The following ELMOD2 variants were observed in gnomAD, a reference collection of about 807,000 sequenced individuals.
ELMOD2 encodes the protein ELMO domain-containing protein 2.
A neutral mutation model predicts 41.0 loss-of-function variants in ELMOD2; 28 were observed. That is an observed-to-expected ratio of 0.68 (90% CI 0.51 to 0.94). ELMOD2 has a LOEUF of 0.94. Among genes scored for constraint, ELMOD2 ranks in the 40% least tolerant of loss-of-function variants. The pLI is 0.00. For synonymous variants in ELMOD2, 106 were observed against 107.2 expected, an observed-to-expected ratio of 0.99 and a Z score of 0.07; for missense variants, 333 against 343.1, an observed-to-expected ratio of 0.97 and a Z score of 0.23.
intron 8 of ELMOD2, among the ~76,000 whole-genome samples, 155 bp downstream of exon 8, chr4:140,543,741 T>C (rs546897805): frequency 1.6e-4 from 25 of 152,194 alleles, no homozygotes; most frequent in African/African-American, 5.8e-4. Flanking sequence ...AAGAAAACAG[T>C]GGAAGATGGG....
intron 6 of ELMOD2, among the ~76,000 whole-genome samples, chr4:140,540,982 T>C (rs1285240073): frequency 6.6e-6 from 1 of 152,238 alleles, no homozygotes; most frequent in Non-Finnish European, 1.5e-5. Context: ...CTTCACCACC[T>C]GTGACAACTT....
chr4:140,537,410 A>G lies in ELMOD2; in HGVS notation c.270-2A>G. 1 of 1,501,008 alleles carries G rather than the reference A, an allele frequency of 6.7e-7. No individual in the cohort carries two copies. The highest frequency in any genetic ancestry group is 1.4e-5 in the South Asian group (1 of 71,718). 93.0% of individuals were successfully genotyped at this position (1,501,008 alleles called of 1,614,324 possible). ...TTTTAAAAATAATTTTATCATTTTTAGTTTTAAAATATGCATGAAGATGTG... is the reference window on the plus strand; with the variant it reads ...TTTTAAAAATAATTTTATCATTTTTGGTTTTAAAATATGCATGAAGATGTG... On this transcript the variant is annotated splice_acceptor_variant, in intron 4 of 8. Coordinates refer to ENST00000323570, the MANE Select transcript of ELMOD2 (RefSeq NM_153702.4). LOFTEE classifies it high-confidence loss of function.
chr4:140,552,903 A>G lies in ELMOD2; in HGVS notation c.*2528A>G, dbSNP rs899137926. 7.9e-5 allele frequency: 12 copies of G among 152,094 alleles called. No homozygotes were observed. Among genetic ancestry groups the G allele is most frequent in the Admixed American group, 5.2e-4 (8 of 15,260 alleles). The allele number at this position is 152,094 out of a possible 1,614,324, so 9.4% of individuals were successfully genotyped here. ...TAAAGAAATGGGAGAAATTGGGGGTATCAGTGAACCTATACCAACCTCTCT... is the reference window on the plus strand; with the variant it reads ...TAAAGAAATGGGAGAAATTGGGGGTGTCAGTGAACCTATACCAACCTCTCT... On this transcript the variant is annotated 3_prime_UTR_variant, in exon 9 of 9. Coordinates refer to ENST00000323570, the MANE Select transcript of ELMOD2 (RefSeq NM_153702.4).
intron 8 of ELMOD2, among the ~76,000 whole-genome samples, 164 bp from the exon 9 acceptor site, chr4:140,550,066 A>G (rs1201507716): frequency 6.6e-6 from 1 of 152,170 alleles, no homozygotes; most frequent in East Asian, 1.9e-4. Flanking sequence ...ATCGTTTATT[A>G]AGTCTTATTA....
At chr4:140,529,775 CTA>C in intron 3 of ELMOD2, among the ~76,000 whole-genome samples, 1 of 152,326 alleles carries the variant, frequency 6.6e-6, no homozygotes, top group Admixed American at 6.5e-5. Context: ...ATGACATTCT[CTA>C]TGAGATTTTC....
intron 3 of ELMOD2, among the ~76,000 whole-genome samples, chr4:140,532,224 G>C (rs1734773748): frequency 6.6e-6 from 1 of 151,344 alleles, no homozygotes; most frequent in Admixed American, 6.6e-5. Flanking sequence ...GTGTGCAGTG[G>C]CGTGATCTCG....
chr4:140,527,004 A>G (rs1358136047), intron 2 of ELMOD2, among the ~76,000 whole-genome samples: 1 of 152,210 alleles, frequency 6.6e-6, no homozygotes, highest in Non-Finnish European at 1.5e-5. Flanking sequence ...CTGGTGACAG[A>G]AGGGTTGACC....
At position 140,550,226 on chromosome 4, in the gene ELMOD2, G is replaced by T. The variant is rs1367765140; in HGVS notation, c.737-4G>T. 5 of 1,605,212 alleles carry T rather than the reference G, an allele frequency of 3.1e-6. No individual in the cohort carries two copies. Among genetic ancestry groups the T allele is most frequent in the Non-Finnish European group, 4.3e-6 (5 of 1,175,326 alleles). ...TTAAATGTTTTGTTTTTCTTTAACT[G>T]CAGGTTATCTTGTCTATGAATTTGA... On this transcript the variant is annotated splice_region_variant and splice_polypyrimidine_tract_variant and intron_variant, in intron 8 of 8. Coordinates refer to ENST00000323570, the MANE Select transcript of ELMOD2 (RefSeq NM_153702.4).
intron 3 of ELMOD2, among the ~76,000 whole-genome samples, chr4:140,535,145 CT>C: frequency 3.8e-5 from 1 of 26,468 alleles, no homozygotes; most frequent in African/African-American, 5.7e-5. Flanking sequence ...CTTTCTCTCT[CT>C]CTCTCTCTCT....
At position 140,528,304 on chromosome 4, in the gene ELMOD2, A is replaced by G. The variant is rs190594375; in HGVS notation, c.171+810A>G. On this transcript the variant is annotated intron_variant, in intron 3 of 8. Coordinates refer to ENST00000323570, the MANE Select transcript of ELMOD2 (RefSeq NM_153702.4). ...ATTGGGACCAATAATTCAGTCTACC[A>G]CATGCTGTTACTTCCCTATTGTAGT... is the stretch of plus-strand genomic sequence containing the variant. 3.3e-4 allele frequency among the ~76,000 whole-genome samples: 50 copies of G among 152,358 alleles called. 1 individual carries two copies. In the East Asian group the frequency reaches 7.9e-3, roughly 24 times the overall value.
chr4:140,534,782 A>G (rs1294274870), intron 3 of ELMOD2, among the ~76,000 whole-genome samples: 2 of 152,180 alleles, frequency 1.3e-5, no homozygotes, highest in Non-Finnish European at 2.9e-5. Flanking sequence ...GAGAACATAG[A>G]GAAAATATGG....
Position 140,552,708 on chromosome 4 carries a change from A to C in ELMOD2, c.*2333A>C, listed in dbSNP as rs1250921496. The C allele has an allele frequency of 6.6e-6, 1 of 152,144 alleles. No homozygotes were observed. Among genetic ancestry groups the C allele is most frequent in the Non-Finnish European group, 1.5e-5 (1 of 67,980 alleles). 9.4% of individuals were successfully genotyped at this position (152,144 alleles called of 1,614,324 possible). On this transcript the variant is annotated 3_prime_UTR_variant, in exon 9 of 9. Transcript: ENST00000323570. ...TAGTAAAATGCCAAAGTAGTGATAG[A>C]ATATTGTGGCATTGAAGTAGCCGAA...
In ELMOD2 at chr4:140,525,509, G is replaced by C; in HGVS notation, c.81G>C (p.Gly27=). Residue 27 remains glycine (G), a synonymous_variant, in exon 2 of 9, where the codon GGG becomes GGC. Transcript: ENST00000323570. ...AATGGCTATTACGACAGATGACTGG[G>C]AAGTGTGAATTGCAGCGAATATTTG... The part of the protein sequence containing the change: ...WMKWLLRQMT[G]KCELQRIFDT... The C allele has an allele frequency of 6.2e-7, 1 of 1,613,994 alleles. No individual in the cohort carries two copies. The highest frequency in any genetic ancestry group is 1.1e-5 in the South Asian group (1 of 91,072).
intron 5 of ELMOD2, among the ~76,000 whole-genome samples, chr4:140,538,607 C>T (rs1735006145): frequency 6.6e-6 from 1 of 152,156 alleles, no homozygotes; most frequent in Admixed American, 6.5e-5. Flanking sequence ...TCATGTTAGG[C>T]CCTTGCTACA....
At chr4:140,536,003 G>A (rs183377232) in intron 4 of ELMOD2, among the ~76,000 whole-genome samples, 173 bp downstream of exon 4, 1 of 152,098 alleles carries the variant, frequency 6.6e-6, no homozygotes, top group African/African-American at 2.4e-5. Context: ...TGATAGAATC[G>A]GGACTAGAAC....
At chr4:140,531,743 A>T (rs1400384247) in intron 3 of ELMOD2, among the ~76,000 whole-genome samples, 4 of 152,262 alleles carry the variant, frequency 2.6e-5, no homozygotes, top group Non-Finnish European at 4.4e-5. Context: ...GATTCTATGA[A>T]CAACTTTATG....
rs1425484825 is a variant in ELMOD2 at position 140,525,583 on chromosome 4, A to G, written c.142+13A>G. On this transcript the variant is annotated intron_variant, in intron 2 of 8. Coordinates refer to ENST00000323570, the MANE Select transcript of ELMOD2 (RefSeq NM_153702.4). ...ACACACAGGATAGGTAATGTTATTC[A>G]AAAAGAAAAAGTACTAATAAAAGTT... The G allele has an allele frequency of 9.4e-6, 15 of 1,587,338 alleles. No individual in the cohort carries two copies. The highest frequency in any genetic ancestry group is 1.0e-5 in the Non-Finnish European group (12 of 1,172,274).
chr4:140,525,278 TA>T (rs1397793977), intron 1 of ELMOD2, 141 bp from the exon 2 acceptor site: 3 of 877,898 alleles, frequency 3.4e-6, no homozygotes, highest in African/African-American at 3.4e-5. Context: ...CCATTGTTTT[TA>T]AATGCCTAAT....
Position 140,542,661 on chromosome 4 carries a change from A to C in ELMOD2, c.602+19A>C, listed in dbSNP as rs1376968217. The C allele has an allele frequency of 1.3e-6, 2 of 1,564,532 alleles. No individual in the cohort carries two copies. Reference sequence around the variant, plus strand: ...AATTAGGGTAAGCTGGGTATATTAAAGAAGCCGTAATCTCTTGCATTTATA... The same window carrying C: ...AATTAGGGTAAGCTGGGTATATTAACGAAGCCGTAATCTCTTGCATTTATA... On this transcript the variant is annotated intron_variant, in intron 7 of 8. Coordinates refer to ENST00000323570, the MANE Select transcript of ELMOD2 (RefSeq NM_153702.4).
Sources: allele counts gnomAD v4.1 joint callset (sites outside exome capture counted in the v4.1 genomes callset), GRCh38; gene constraint gnomAD v4.1.1; transcripts MANE v1.5; gene names NCBI Gene and HGNC (gene_info 2026-07-23, HGNC 2026-07-21).